The following SLCO6A1 variants were observed in gnomAD, a reference collection of about 807,000 sequenced individuals.
The protein encoded by SLCO6A1 is cancer/testis antigen 48.
SLCO6A1 carries 65 observed loss-of-function variants against 72.7 expected under a neutral mutation model. The ratio of observed to expected loss-of-function variants is 0.89; its 90% CI spans 0.73 to 1.10. The LOEUF (loss-of-function observed/expected upper bound fraction) is 1.10. Among genes scored for constraint, SLCO6A1 ranks in the 50% least tolerant of loss-of-function variants. The pLI, the probability that SLCO6A1 is intolerant of heterozygous loss-of-function variation, is 0.00. For synonymous variants in SLCO6A1, 314 were observed against 298.2 expected (o/e 1.05, Z -0.55); for missense variants, 874 against 872.6 (o/e 1.00, Z -0.02).
rs374830810 is a variant in SLCO6A1, at chr5:102,480,368, A to T, written c.425T>A (p.Ile142Asn). Residue 142 changes from isoleucine to asparagine, a missense_variant, in exon 2 of 14, where the codon ATT (isoleucine) becomes AAT (asparagine). Ile to Asn is a moderately radical substitution (Grantham distance 149). Coordinates refer to ENST00000506729, the MANE Select transcript of SLCO6A1 (RefSeq NM_173488.5). Reference protein sequence around the residue: ...DFQKEYQLKTIEKLALEKSYD... With the variant: ...DFQKEYQLKTNEKLALEKSYD... Reference sequence around the variant, plus strand: ...ACTCTTTTCCAATGCCAACTTCTCAATGGTTTTCAGTTGATATTCCTTCTG... The same window carrying T: ...ACTCTTTTCCAATGCCAACTTCTCATTGGTTTTCAGTTGATATTCCTTCTG... The T allele has an allele frequency of 3.1e-5, 50 of 1,613,422 alleles. No individual in the cohort carries two copies. Among genetic ancestry groups the T allele is most frequent in the Non-Finnish European group, 3.8e-5 (45 of 1,179,678 alleles).
chr5:102,457,497 A>T (rs1307992421), intron 6 of SLCO6A1, among the ~76,000 whole-genome samples: 1 of 152,246 alleles, frequency 6.6e-6, no homozygotes, highest in Non-Finnish European at 1.5e-5. Flanking sequence ...AGACACATGA[A>T]AAAATGCTCA....
chr5:102,449,855 A>C (rs1028232279), intron 6 of SLCO6A1, among the ~76,000 whole-genome samples: 1 of 152,028 alleles, frequency 6.6e-6, no homozygotes, highest in Non-Finnish European at 1.5e-5. Context: ...CATTTTGTAA[A>C]ATTCTTTTTT....
At chr5:102,491,648 C>T (rs1752682801) in intron 1 of SLCO6A1, among the ~76,000 whole-genome samples, 1 of 152,246 alleles carries the variant, frequency 6.6e-6, no homozygotes, top group Admixed American at 6.5e-5. Context: ...GAGTTCAGGG[C>T]CCACTGAGCT....
intron 7 of SLCO6A1, among the ~76,000 whole-genome samples, chr5:102,434,077 T>C (rs1749371422): frequency 6.6e-6 from 1 of 152,100 alleles, no homozygotes; most frequent in Admixed American, 6.5e-5. Context: ...TTCTTTAGAC[T>C]ATTTATATTT....
At chr5:102,446,345 T>G (rs1209878875) in intron 6 of SLCO6A1, among the ~76,000 whole-genome samples, 1 of 152,198 alleles carries the variant, frequency 6.6e-6, no homozygotes, top group Non-Finnish European at 1.5e-5. Context: ...TGAATGGGAT[T>G]GCATTCTTGA....
At chr5:102,379,068 A>C (rs916771217) in intron 12 of SLCO6A1, among the ~76,000 whole-genome samples, 1 of 152,184 alleles carries the variant, frequency 6.6e-6, no homozygotes, top group African/African-American at 2.4e-5. Context: ...GGCATGAGCA[A>C]CTGCACCCAG....
intron 1 of SLCO6A1, among the ~76,000 whole-genome samples, chr5:102,494,033 A>G (rs1752799475): frequency 6.6e-6 from 1 of 152,196 alleles, no homozygotes; most frequent in African/African-American, 2.4e-5. Flanking sequence ...ATTTTAATGC[A>G]TATAATAAAG....
rs145615441 is a variant in SLCO6A1 at position 102,441,944 on chromosome 5, A to T, written c.1132-3183T>A. Among the ~76,000 whole-genome samples the T allele has an allele frequency of 3.2e-4, 49 of 152,076 alleles. No individual in the cohort carries two copies. In the East Asian group the frequency reaches 7.5e-3, roughly 23 times the overall value. On this transcript the variant is annotated intron_variant, in intron 6 of 13. Coordinates refer to ENST00000506729, the MANE Select transcript of SLCO6A1 (RefSeq NM_173488.5). Reference sequence around the variant, plus strand: ...TCAAATATTGATTAACTAGAGAATTACAGCTTTTTTCATACGTTCTTCTAG... The same window carrying T: ...TCAAATATTGATTAACTAGAGAATTTCAGCTTTTTTCATACGTTCTTCTAG...
In SLCO6A1 at chr5:102,475,777, T is replaced by C. The variant is rs1751867077; in HGVS notation, c.819A>G (p.Thr273=). Residue 273 remains threonine, a synonymous_variant, in exon 4 of 14, where the codon ACA becomes ACG. Coordinates refer to ENST00000506729, the MANE Select transcript of SLCO6A1 (RefSeq NM_173488.5). ...AGIYLGIAEC[T]SMIGYALGYV... ...AACCCAGAGCATATCCAATCATTGATGTACATTCTGCAATACCTGTAAAAT... is the reference window on the plus strand; with the variant it reads ...AACCCAGAGCATATCCAATCATTGACGTACATTCTGCAATACCTGTAAAAT... 6.2e-7 allele frequency: 1 copy of C among 1,607,714 alleles called. No individual in the cohort carries two copies. The highest frequency in any genetic ancestry group is 1.7e-5 in the Admixed American group (1 of 59,312).
chr5:102,470,941 T>A (rs2112799891), intron 4 of SLCO6A1, among the ~76,000 whole-genome samples: 1 of 152,200 alleles, frequency 6.6e-6, no homozygotes, highest in East Asian at 1.9e-4. Context: ...TCGATTGTTT[T>A]TTGTGCTTGC....
chr5:102,391,513 C>G (rs1302379238), intron 10 of SLCO6A1, among the ~76,000 whole-genome samples: 1 of 152,096 alleles, frequency 6.6e-6, no homozygotes, highest in Non-Finnish European at 1.5e-5. Context: ...GATTGGGACA[C>G]TTCTGAATGA....
In SLCO6A1 at chr5:102,399,574, T is replaced by C. The variant is rs567165297; in HGVS notation, c.1795A>G (p.Ile599Val). The C allele has an allele frequency of 9.5e-6, 15 of 1,570,818 alleles. No homozygotes were observed. The South Asian group carries it at 1.3e-4, about 14-fold the overall frequency. Residue 599 changes from isoleucine (I) to valine (V), a missense_variant, in exon 10 of 14, where the codon ATC becomes GTC. Coordinates refer to ENST00000506729, the MANE Select transcript of SLCO6A1 (RefSeq NM_173488.5). ...LIFSGFSGVP[I>V]VLAMTRVVPD... Reference sequence around the variant, plus strand: ...ACATACCGCGTCATGGCCAAGACGATTGGTACACCAGAAAAACCAGAAAAT... The same window carrying C: ...ACATACCGCGTCATGGCCAAGACGACTGGTACACCAGAAAAACCAGAAAAT...
At chr5:102,390,604 T>C (rs1746699347) in intron 11 of SLCO6A1, among the ~76,000 whole-genome samples, 1 of 152,126 alleles carries the variant, frequency 6.6e-6, no homozygotes, top group Admixed American at 6.6e-5. Context: ...TCAATGTCTT[T>C]GGTGATGAAA....
In SLCO6A1 at chr5:102,384,626, T is replaced by C. The variant is rs139934130; in HGVS notation, c.2017+4062A>G. 1.2e-3 allele frequency among the ~76,000 whole-genome samples: 189 copies of C among 152,270 alleles called. 1 individual carries two copies. Among genetic ancestry groups the C allele is most frequent in the Non-Finnish European group, 2.3e-3 (156 of 67,978 alleles). ...CTTAACTTCCATTGCATATGGAAAC[T>C]CTAGATTTTAACTTCTCTTCATCCC... is the stretch of plus-strand genomic sequence containing the variant. On this transcript the variant is annotated intron_variant, in intron 12 of 13. Coordinates refer to ENST00000506729, the MANE Select transcript of SLCO6A1 (RefSeq NM_173488.5).
intron 10 of SLCO6A1, among the ~76,000 whole-genome samples, chr5:102,397,608 C>A (rs1747162176): frequency 6.6e-6 from 1 of 152,116 alleles, no homozygotes; most frequent in African/African-American, 2.4e-5. Flanking sequence ...CTGAGAGATT[C>A]TTCCTCAACT....
intron 4 of SLCO6A1, among the ~76,000 whole-genome samples, chr5:102,465,570 G>A (rs1301713755): frequency 6.6e-6 from 1 of 152,046 alleles, no homozygotes; most frequent in African/African-American, 2.4e-5. Context: ...AACGCATTAT[G>A]TCTAAAACAG....
At chr5:102,391,694 AT>A (rs1746770096) in intron 10 of SLCO6A1, among the ~76,000 whole-genome samples, 1 of 152,062 alleles carries the variant, frequency 6.6e-6, no homozygotes, top group African/African-American at 2.4e-5. Context: ...ATGCACTATT[AT>A]TTGGGATTCC....
chr5:102,432,704 C>T (rs757017060), intron 7 of SLCO6A1, among the ~76,000 whole-genome samples: 3 of 152,052 alleles, frequency 2.0e-5, no homozygotes, highest in Non-Finnish European at 2.9e-5. Context: ...CTGCCTTTGA[C>T]ATTGTTTTTT....
chr5:102,436,732 T>G (rs1291210238), intron 7 of SLCO6A1, among the ~76,000 whole-genome samples: 1 of 152,206 alleles, frequency 6.6e-6, no homozygotes, highest in East Asian at 1.9e-4. Context: ...CCTGCTGTTG[T>G]ATAACACTCA....
Sources: gnomAD v4.1 joint callset for allele counts (sites outside exome capture counted in the v4.1 genomes callset) on GRCh38, gnomAD v4.1.1 for gene constraint, MANE v1.5 for transcripts, NCBI Gene and HGNC (gene_info 2026-07-23, HGNC 2026-07-21) for gene names.